SMAD3: variants seen among roughly 807,000 people sequenced by gnomAD.
The protein encoded by SMAD3 is SMAD family member 3.
SMAD3 carries 12 observed loss-of-function variants against 51.8 expected under a neutral mutation model. That is an observed-to-expected ratio of 0.23 (90% CI 0.15 to 0.38). SMAD3 has a LOEUF of 0.38. Among genes scored for constraint, SMAD3 ranks in the 10% least tolerant of loss-of-function variants. SMAD3 has a pLI of 1.00. For missense variants in SMAD3, 294 were observed against 565.6 expected, an observed-to-expected ratio of 0.52 and a Z score of 4.87; for synonymous variants, 238 against 227.7, an observed-to-expected ratio of 1.05 and a Z score of -0.41.
intron 1 of SMAD3, among the ~76,000 whole-genome samples, chr15:67,113,076 G>A (rs372464155): frequency 2.9e-5 from 1 of 34,970 alleles, no homozygotes; most frequent in African/African-American, 1.0e-4. Context: ...ATATATATGT[G>A]TATATATATA....
intron 1 of SMAD3, among the ~76,000 whole-genome samples, chr15:67,139,628 T>C (rs1326346426): frequency 6.6e-6 from 1 of 152,172 alleles, no homozygotes; most frequent in Non-Finnish European, 1.5e-5. Flanking sequence ...TTTCTTCCCA[T>C]GCCTGTGCCT....
chr15:67,132,286 G>C (rs184326476), intron 1 of SMAD3, among the ~76,000 whole-genome samples: 5 of 152,082 alleles, frequency 3.3e-5, no homozygotes, highest in South Asian at 4.1e-4. Context: ...GACCCTCACC[G>C]TATTTTTTAG....
At chr15:67,094,192 G>A (rs557997633) in intron 1 of SMAD3, among the ~76,000 whole-genome samples, 51 of 152,298 alleles carry the variant, frequency 3.3e-4, no homozygotes, top group Non-Finnish European at 6.2e-4. Context: ...GCACCTCGGC[G>A]AGTCAGAAGA....
chr15:67,169,733 G>T (rs1305432286), intron 4 of SMAD3, among the ~76,000 whole-genome samples: 1 of 151,792 alleles, frequency 6.6e-6, no homozygotes, highest in African/African-American at 2.4e-5. Context: ...AAAGTGCTGG[G>T]ATTACAGATG....
chr15:67,151,976 CTA>C (rs1962159102), intron 1 of SMAD3, among the ~76,000 whole-genome samples: 1 of 151,870 alleles, frequency 6.6e-6, no homozygotes, highest in Non-Finnish European at 1.5e-5. Context: ...TAATTGTAAA[CTA>C]TGTAATAATA....
chr15:67,087,774 G>A (rs1371104933), intron 1 of SMAD3, among the ~76,000 whole-genome samples: 1 of 152,156 alleles, frequency 6.6e-6, no homozygotes, highest in Non-Finnish European at 1.5e-5. Flanking sequence ...ATATAGACGT[G>A]TGTGTTTGTG....
chr15:67,170,337 T>A (rs1349208177), intron 4 of SMAD3, among the ~76,000 whole-genome samples: 5 of 152,138 alleles, frequency 3.3e-5, no homozygotes, highest in African/African-American at 9.7e-5. Flanking sequence ...ACCTCTGAGA[T>A]CATCCACTCA....
chr15:67,076,103 C>G (rs1447346910), intron 1 of SMAD3, among the ~76,000 whole-genome samples: 2 of 152,182 alleles, frequency 1.3e-5, no homozygotes, highest in Non-Finnish European at 2.9e-5. Context: ...ACAGAGCATT[C>G]TCCTTTGGAG....
At chr15:67,075,750 A>G (rs953825794) in intron 1 of SMAD3, among the ~76,000 whole-genome samples, 1 of 152,130 alleles carries the variant, frequency 6.6e-6, no homozygotes, top group East Asian at 1.9e-4. Context: ...CCTCGGCTCT[A>G]CTAAAAATAT....
intron 1 of SMAD3, chr15:67,146,043 G>A (rs1466189409): frequency 1.3e-5 from 2 of 152,194 alleles, no homozygotes; most frequent in African/African-American, 4.8e-5. Context: ...TAAATATAGA[G>A]TGCTTACCAT....
chr15:67,085,243 CCT>C (rs1960363531), intron 1 of SMAD3, among the ~76,000 whole-genome samples: 1 of 152,132 alleles, frequency 6.6e-6, no homozygotes, highest in South Asian at 2.1e-4. Flanking sequence ...CATAGGGGCT[CCT>C]CTGGTGTGGA....
At chr15:67,115,711 C>A (rs1961120021) in intron 1 of SMAD3, among the ~76,000 whole-genome samples, 1 of 152,138 alleles carries the variant, frequency 6.6e-6, no homozygotes, top group African/African-American at 2.4e-5. Context: ...GGCATTAACT[C>A]ATTTGTTCAT....
intron 5 of SMAD3, among the ~76,000 whole-genome samples, chr15:67,173,646 T>G (rs1470958817): frequency 6.6e-6 from 1 of 152,070 alleles, no homozygotes; most frequent in Non-Finnish European, 1.5e-5. Flanking sequence ...GGGTTTTGAT[T>G]GGGGAGGTTT....
Position 67,171,716 on chromosome 15 carries a change from T to G in SMAD3, c.658+1112T>G, listed in dbSNP as rs1028213575. Reference sequence around the variant, plus strand: ...TGAAACCCTTTAGAACAGGCTGACCTGGGCAGTGTGGGATGTGACTTTGGG... The same window carrying G: ...TGAAACCCTTTAGAACAGGCTGACCGGGGCAGTGTGGGATGTGACTTTGGG... On this transcript the variant is annotated intron_variant, in intron 5 of 8. Transcript: ENST00000327367. 4.6e-5 allele frequency among the ~76,000 whole-genome samples: 7 copies of G among 152,216 alleles called. 1 individual carries two copies. Among genetic ancestry groups the G allele is most frequent in the African/African-American group, 1.4e-4 (6 of 41,452 alleles).
intron 1 of SMAD3, among the ~76,000 whole-genome samples, chr15:67,158,173 T>C (rs1962334697): frequency 1.3e-5 from 2 of 152,174 alleles, no homozygotes; most frequent in Admixed American, 6.5e-5. Context: ...TTAAGACTTA[T>C]TTATTGGATT....
At position 67,139,347 on chromosome 15, in the gene SMAD3, G is replaced by A. The variant is rs150084896; in HGVS notation, c.207-25548G>A. On this transcript the variant is annotated intron_variant, in intron 1 of 8. Coordinates refer to ENST00000327367, the MANE Select transcript of SMAD3 (RefSeq NM_005902.4). ...ACGGCAATATTAGGTTTCCTGGCTT[G>A]CTTTTCCCCACTGTGTCTGCTCTTG... is the stretch of plus-strand genomic sequence containing the variant. Among the ~76,000 whole-genome samples the A allele has an allele frequency of 1.8e-4, 28 of 152,264 alleles. No homozygotes were observed. In the East Asian group the frequency reaches 4.6e-3, roughly 25 times the overall value.
chr15:67,126,298 G>T (rs1334500937), intron 1 of SMAD3, among the ~76,000 whole-genome samples: 1 of 152,022 alleles, frequency 6.6e-6, no homozygotes, highest in African/African-American at 2.4e-5. Context: ...GCTCACAATT[G>T]CCTCCTGAGT....
rs1963437596 is a variant in SMAD3 at position 67,194,020 on chromosome 15, G to C, written c.*3484G>C. On this transcript the variant is annotated 3_prime_UTR_variant, in exon 9 of 9. Transcript: ENST00000327367. Reference sequence around the variant, plus strand: ...TCCTTCGTCCTTACAGGAGATGTAGGGAGAAGAATCTGCAGGCTGCTTGTA... The same window carrying C: ...TCCTTCGTCCTTACAGGAGATGTAGCGAGAAGAATCTGCAGGCTGCTTGTA... 4.3e-6 allele frequency: 1 copy of C among 233,294 alleles called. No homozygotes were observed. The highest frequency in any genetic ancestry group is 8.5e-6 in the Non-Finnish European group (1 of 117,986). 14.5% of individuals were successfully genotyped at this position (233,294 alleles called of 1,614,324 possible). A position where few individuals can be genotyped will look rare whatever the true frequency, so the allele number is the denominator to read the frequency against.
chr15:67,102,275 G>T (rs2140225620), intron 1 of SMAD3, among the ~76,000 whole-genome samples: 1 of 137,554 alleles, frequency 7.3e-6, no homozygotes, highest in South Asian at 2.5e-4. Context: ...TGTGCGGTGT[G>T]TGTGTGCATG....
Sources: allele counts gnomAD v4.1 joint callset (sites outside exome capture counted in the v4.1 genomes callset), GRCh38; gene constraint gnomAD v4.1.1; transcripts MANE v1.5; gene names NCBI Gene and HGNC (gene_info 2026-07-23, HGNC 2026-07-21).